SLC13A3: variants seen among roughly 807,000 people sequenced by gnomAD.
SLC13A3 encodes the protein solute carrier family 13 member 3.
A neutral mutation model predicts 59.0 loss-of-function variants in SLC13A3; 40 were observed. The ratio of observed to expected loss-of-function variants is 0.68; its 90% CI spans 0.53 to 0.88. The LOEUF is 0.88. SLC13A3 is among the 40% of genes least tolerant of loss of function. The pLI is 0.00. For synonymous variants in SLC13A3, 317 were observed against 330.3 expected, an observed-to-expected ratio of 0.96 and a Z score of 0.44; for missense variants, 699 against 783.2, an observed-to-expected ratio of 0.89 and a Z score of 1.28.
chr20:46,613,002 T>C (rs1256521199), intron 2 of SLC13A3, among the ~76,000 whole-genome samples: 1 of 152,186 alleles, frequency 6.6e-6, no homozygotes, highest in Non-Finnish European at 1.5e-5. Context: ...TTGCCTGCAT[T>C]TGCTCATCTA....
intron 1 of SLC13A3, among the ~76,000 whole-genome samples, chr20:46,675,544 C>T (rs2063119859): frequency 6.6e-6 from 1 of 150,796 alleles, no homozygotes; most frequent in Admixed American, 6.6e-5. Context: ...CCATGCCCGG[C>T]CCCTTTTTTT....
At chr20:46,623,193 G>T (rs542180857) in intron 1 of SLC13A3, among the ~76,000 whole-genome samples, 11 of 152,316 alleles carry the variant, frequency 7.2e-5, no homozygotes, top group African/African-American at 2.6e-4. Context: ...TGAGAACAGT[G>T]ACATGCAGTC....
At chr20:46,683,484 G>T (rs187340064) in intron 1 of SLC13A3, among the ~76,000 whole-genome samples, 2 of 152,106 alleles carry the variant, frequency 1.3e-5, no homozygotes, top group East Asian at 3.9e-4. Flanking sequence ...ACTGGGGTGG[G>T]GGTGCCGAGA....
chr20:46,587,825 C>A (rs2062209429), intron 8 of SLC13A3, among the ~76,000 whole-genome samples: 1 of 152,162 alleles, frequency 6.6e-6, no homozygotes, highest in Non-Finnish European at 1.5e-5. Context: ...GAATTCTAAC[C>A]CAGTTTAGTC....
At chr20:46,650,146 G>C (rs1054586362) in intron 1 of SLC13A3, among the ~76,000 whole-genome samples, 19 of 152,148 alleles carry the variant, frequency 1.2e-4, no homozygotes, top group Non-Finnish European at 1.5e-5. Flanking sequence ...ACCCAAAAGG[G>C]ACCTGTGGTA....
intron 1 of SLC13A3, among the ~76,000 whole-genome samples, chr20:46,633,821 A>G (rs757126779): frequency 2.0e-5 from 3 of 152,216 alleles, no homozygotes; most frequent in Non-Finnish European, 2.9e-5. Context: ...CAAAGCAACT[A>G]TCGATTGAGG....
chr20:46,622,372 ATTAAC>A (rs1423375923), intron 1 of SLC13A3, among the ~76,000 whole-genome samples: 2 of 152,160 alleles, frequency 1.3e-5, no homozygotes, highest in African/African-American at 4.8e-5. Flanking sequence ...GGGGAAAGTA[ATTAAC>A]TTAACTCAGA....
chr20:46,671,227 G>A (rs546498220), upstream of SLC13A3, among the ~76,000 whole-genome samples: 10 of 152,122 alleles, frequency 6.6e-5, no homozygotes, highest in East Asian at 1.9e-4. Flanking sequence ...TGACTGAAGC[G>A]GGAATACAAG....
chr20:46,597,278 C>T, intron 4 of SLC13A3, among the ~76,000 whole-genome samples: 1 of 97,686 alleles, frequency 1.0e-5, no homozygotes, highest in South Asian at 3.4e-4. Flanking sequence ...AGTAAAAGAT[C>T]ATAATGTTGG....
chr20:46,608,584 C>T (rs922964319), intron 3 of SLC13A3: 4 of 232,516 alleles, frequency 1.7e-5, no homozygotes, highest in South Asian at 9.7e-5. Context: ...CTGTAAAGTA[C>T]ATATAATCAT....
At chr20:46,671,658 G>A (rs143052889), upstream of SLC13A3, among the ~76,000 whole-genome samples, 1 of 152,316 alleles carries the variant, frequency 6.6e-6, no homozygotes, top group Non-Finnish European at 1.5e-5. Flanking sequence ...GGAGAAGCAG[G>A]ATTGGGCAGA....
At chr20:46,568,396 C>A in intron 10 of SLC13A3, among the ~76,000 whole-genome samples, 1 of 85,280 alleles carries the variant, frequency 1.2e-5, no homozygotes, top group Non-Finnish European at 2.1e-5. Context: ...AGCGAGACTC[C>A]ATCTCAAAAA....
intron 1 of SLC13A3, among the ~76,000 whole-genome samples, chr20:46,662,880 T>C (rs2063039863): frequency 6.6e-6 from 1 of 152,230 alleles, no homozygotes; most frequent in Non-Finnish European, 1.5e-5. Flanking sequence ...GTAAATTATA[T>C]GAGTTCAGCA....
At chr20:46,583,517 C>G (rs576595718) in intron 9 of SLC13A3, 55 bp downstream of exon 9, 2 of 1,598,796 alleles carry the variant, frequency 1.3e-6, no homozygotes, top group East Asian at 4.5e-5. Flanking sequence ...GATGACCACA[C>G]TCCATGCCGC....
At chr20:46,654,647 A>G (rs1282021040), upstream of SLC13A3, among the ~76,000 whole-genome samples, 2 of 152,122 alleles carry the variant, frequency 1.3e-5, no homozygotes, top group Non-Finnish European at 2.9e-5. Context: ...CTCCTGCCTC[A>G]GCCTCCTGAG....
At chr20:46,677,772 C>A (rs1342656492) in intron 1 of SLC13A3, among the ~76,000 whole-genome samples, 1 of 152,078 alleles carries the variant, frequency 6.6e-6, no homozygotes, top group African/African-American at 2.4e-5. Context: ...ACGGGACCAG[C>A]GTGATGACAA....
chr20:46,646,308 G>A (rs1231313294), intron 1 of SLC13A3, among the ~76,000 whole-genome samples: 3 of 152,180 alleles, frequency 2.0e-5, no homozygotes, highest in Admixed American at 2.0e-4. Context: ...TAACCTCTCT[G>A]TGCCTCACTT....
chr20:46,650,066 A>G (rs752831688), intron 1 of SLC13A3, among the ~76,000 whole-genome samples: 3 of 152,178 alleles, frequency 2.0e-5, no homozygotes, highest in Non-Finnish European at 4.4e-5. Context: ...CTGGAGGTAG[A>G]AGCCTTATCT....
upstream of SLC13A3, among the ~76,000 whole-genome samples, chr20:46,653,894 T>C (rs1002276329): frequency 1.3e-5 from 2 of 152,318 alleles, no homozygotes; most frequent in South Asian, 2.1e-4. Flanking sequence ...GTAATGCAGC[T>C]ATAAACATAG....
Sources: gnomAD v4.1 joint callset for allele counts (sites outside exome capture counted in the v4.1 genomes callset) on GRCh38, gnomAD v4.1.1 for gene constraint, MANE v1.5 for transcripts, NCBI Gene and HGNC (gene_info 2026-07-23, HGNC 2026-07-21) for gene names.